The following ICAM2 variants were observed in gnomAD, a reference collection of about 807,000 sequenced individuals.
The protein encoded by ICAM2 is ICAM-2.
Under a neutral mutation model 19.1 loss-of-function variants are expected in ICAM2, and 14 were observed. The ratio of observed to expected loss-of-function variants is 0.73; its 90% CI spans 0.48 to 1.15. ICAM2 has a LOEUF of 1.15. ICAM2 is among the 50% of genes most tolerant of loss of function. ICAM2 has a pLI of 0.00. For synonymous variants in ICAM2, 153 were observed against 152.7 expected, an observed-to-expected ratio of 1.00 and a Z score of -0.01; for missense variants, 311 against 355.4, an observed-to-expected ratio of 0.88 and a Z score of 1.00.
intron 1 of ICAM2, among the ~76,000 whole-genome samples, chr17:64,007,252 TTTC>T (rs1428408375): frequency 1.3e-5 from 2 of 150,738 alleles, no homozygotes; most frequent in Non-Finnish European, 2.9e-5. Flanking sequence ...TCAGTTTTCT[TTTC>T]TTTTTCTTTT....
At chr17:64,011,049 G>A (rs890841777) in intron 1 of ICAM2, among the ~76,000 whole-genome samples, 3 of 152,118 alleles carry the variant, frequency 2.0e-5, no homozygotes, top group African/African-American at 7.2e-5. Context: ...AATGGGCACA[G>A]ACCAGCCCAA....
At position 64,002,889 on chromosome 17, in the gene ICAM2, G is replaced by A. The variant is rs764072596; in HGVS notation, c.686C>T (p.Thr229Met). Residue 229 changes from threonine to methionine, a missense_variant, in exon 5 of 5, where the codon ACG (threonine) becomes ATG (methionine). Transcript: ENST00000579788. ...VSDSQMVIIVTVVSVLLSLFV... is the reference protein window; with the variant it reads ...VSDSQMVIIVMVVSVLLSLFV... ...CAGGGACAGCAACACCGACACCACC[G>A]TGACTATGATGACCATCTGGCTGTC... The A allele has an allele frequency of 3.0e-5, 48 of 1,613,772 alleles. No individual in the cohort carries two copies. In the East Asian group the frequency reaches 7.1e-4, roughly 24 times the overall value.
chr17:64,009,850 G>A (rs1344875560), intron 1 of ICAM2, among the ~76,000 whole-genome samples: 1 of 152,050 alleles, frequency 6.6e-6, no homozygotes, highest in African/African-American at 2.4e-5. Flanking sequence ...ATTCTTTCAG[G>A]TCCTGCATAC....
rs144174852 is a variant in ICAM2 at position 64,007,250 on chromosome 17, CTTTTCT to C, written c.-44-521_-44-516del. On this transcript the variant is annotated intron_variant, in intron 1 of 4. Transcript: ENST00000579788. ...AAACCTTCACATCCCACTCAGTTTT[CTTTTCT>C]TTTTCTTTTTCTTTTTTTTTTTGAG... Among the ~76,000 whole-genome samples, 610 of 152,024 alleles carry C rather than the reference CTTTTCT, an allele frequency of 4.0e-3. 4 individuals are homozygous for C. The highest frequency in any genetic ancestry group is 0.013 in the African/African-American group (528 of 41,480).
At chr17:64,013,344 T>TACAAAA (rs1911529999) in intron 1 of ICAM2, among the ~76,000 whole-genome samples, 1 of 151,670 alleles carries the variant, frequency 6.6e-6, no homozygotes, top group African/African-American at 2.4e-5. Context: ...CAAATACAAA[T>TACAAAA]ACAAAAATTA....
intron 1 of ICAM2, chr17:64,007,670 CACAG>C (rs1228182822): frequency 2.0e-5 from 3 of 152,308 alleles, no homozygotes; most frequent in African/African-American, 4.8e-5. Context: ...GCAACCCAGG[CACAG>C]ACAGAGAATG....
rs71155993 is a variant in ICAM2, at chr17:64,014,420, AAAGG to A, written c.-45+6099_-45+6102del. On this transcript the variant is annotated intron_variant, in intron 1 of 4. Coordinates refer to ENST00000579788, the MANE Select transcript of ICAM2 (RefSeq NM_001099789.2). ...GGAAGGAAGGAAGAGAAAGAGAAAG[AAAGG>A]AAGGAAGGAAGGAAGAGAGAGAGAG... 1.0e-3 allele frequency among the ~76,000 whole-genome samples: 129 copies of A among 128,834 alleles called. 1 individual carries two copies. Among genetic ancestry groups the A allele is most frequent in the East Asian group, 6.7e-3 (27 of 4,012 alleles). 84.5% of individuals were successfully genotyped at this position (128,834 alleles called of 152,430 possible). A position where few individuals can be genotyped will look rare whatever the true frequency, so the allele number is the denominator to read the frequency against.
At chr17:64,011,498 T>G (rs1413498271) in intron 1 of ICAM2, among the ~76,000 whole-genome samples, 2 of 152,064 alleles carry the variant, frequency 1.3e-5, no homozygotes, top group African/African-American at 4.8e-5. Flanking sequence ...AGAGGTATAT[T>G]AAGGAGTGCC....
chr17:64,003,823 T>A lies in ICAM2; in HGVS notation c.470A>T (p.His157Leu), dbSNP rs559484437. The change falls in exon 4 of 5, where the codon CAC becomes CTC. Residue 157 changes from histidine (H) to leucine (L), a missense_variant. His to Leu is a moderately conservative substitution (Grantham distance 99). Transcript: ENST00000579788. ...LFLFRGNETL[H>L]YETFGKAAPA... ...GGCTGCCTTCCCGAAGGTCTCATAG[T>A]GCAGAGTCTCATTGCCACGGAACAG... The A allele has an allele frequency of 1.2e-6, 2 of 1,614,232 alleles. No individual in the cohort carries two copies. Among genetic ancestry groups the A allele is most frequent in the Non-Finnish European group, 1.7e-6 (2 of 1,180,046 alleles).
chr17:64,008,332 A>G (rs1038933685), intron 1 of ICAM2, among the ~76,000 whole-genome samples: 8 of 152,182 alleles, frequency 5.3e-5, no homozygotes, highest in African/African-American at 1.9e-4. Flanking sequence ...CTGAAACCCA[A>G]GCCAGGGGCT....
intron 2 of ICAM2, 197 bp downstream of exon 2, chr17:64,006,434 G>A (rs1281810868): frequency 1.7e-6 from 1 of 573,284 alleles, no homozygotes; most frequent in Non-Finnish European, 3.1e-6. Flanking sequence ...GCCCAGGGAG[G>A]TGCAGTGAGC....
Position 64,006,809 on chromosome 17 carries a change from T to C in ICAM2, c.-44-74A>G, listed in dbSNP as rs897716838. On this transcript the variant is annotated intron_variant, in intron 1 of 4. Transcript: ENST00000579788. Reference sequence around the variant, plus strand: ...AGCCTTCTGCAAACTGATGACTGCATTTCCTCTCATTATCTGAGAGATCTT... The same window carrying C: ...AGCCTTCTGCAAACTGATGACTGCACTTCCTCTCATTATCTGAGAGATCTT... 8.3e-6 allele frequency: 7 copies of C among 840,336 alleles called. No homozygotes were observed. In the Admixed American group the frequency reaches 9.2e-5, roughly 11 times the overall value. The allele number at this position is 840,336 out of a possible 1,614,324, so 52.1% of individuals were successfully genotyped here. A position where few individuals can be genotyped will look rare whatever the true frequency, so the allele number is the denominator to read the frequency against.
intron 1 of ICAM2, among the ~76,000 whole-genome samples, chr17:64,018,708 CTTCTCTTTTTTTTTTTT>C (rs1911816576): frequency 7.4e-6 from 1 of 135,208 alleles, no homozygotes; most frequent in Non-Finnish European, 1.6e-5. Context: ...TTTGTGTTTA[CTTCTCTTTTTTTTTTTT>C]TTTTTTTTTT....
chr17:64,018,516 A>G (rs1911807691), intron 1 of ICAM2, among the ~76,000 whole-genome samples: 1 of 151,898 alleles, frequency 6.6e-6, no homozygotes, highest in African/African-American at 2.4e-5. Flanking sequence ...GACAAGACCA[A>G]TTGTTGGAGA....
chr17:64,015,569 A>G (rs1028747259), intron 1 of ICAM2, among the ~76,000 whole-genome samples: 4 of 152,040 alleles, frequency 2.6e-5, no homozygotes, highest in Non-Finnish European at 4.4e-5. Flanking sequence ...ACAAAACCCC[A>G]TCTCTACAAA....
chr17:64,011,285 A>G (rs143055781), intron 1 of ICAM2, among the ~76,000 whole-genome samples: 3,439 of 152,136 alleles, frequency 0.023, 118 homozygotes, highest in African/African-American at 0.078. Flanking sequence ...ACACGGTGAA[A>G]CCCTGTCTCT....
At chr17:64,007,707 A>AC (rs892810561) in intron 1 of ICAM2, 10 of 151,596 alleles carry the variant, frequency 6.6e-5, no homozygotes, top group Non-Finnish European at 1.3e-4. Context: ...CTGCAGCCAC[A>AC]CCCCCAAACC....
chr17:64,014,003 G>A (rs1247100489), intron 1 of ICAM2, among the ~76,000 whole-genome samples: 2 of 152,020 alleles, frequency 1.3e-5, no homozygotes, highest in Non-Finnish European at 2.9e-5. Context: ...GTTTTAAAAC[G>A]CTTATATATT....
intron 1 of ICAM2, among the ~76,000 whole-genome samples, chr17:64,008,311 A>C (rs1277542156): frequency 6.6e-6 from 1 of 152,178 alleles, no homozygotes; most frequent in East Asian, 1.9e-4. Flanking sequence ...TCCTGAGAGC[A>C]GGAAACACTC....
Sources: allele counts gnomAD v4.1 joint callset (sites outside exome capture counted in the v4.1 genomes callset), GRCh38; gene constraint gnomAD v4.1.1; transcripts MANE v1.5; gene names NCBI Gene and HGNC (gene_info 2026-07-23, HGNC 2026-07-21).